CHD1L: variants seen among roughly 807,000 people sequenced by gnomAD.
CHD1L encodes chromodomain helicase DNA binding protein 1 like, also known as ATP-dependent chromatin remodeler CHD1L.
A neutral mutation model predicts 115.9 loss-of-function variants in CHD1L; 118 were observed. The observed-to-expected ratio is 1.02, with a 90% CI of 0.88 to 1.19. CHD1L has a LOEUF of 1.19. Among genes scored for constraint, CHD1L ranks in the 50% most tolerant of loss-of-function variants. CHD1L has a pLI of 0.00. For synonymous variants in CHD1L, 411 were observed against 387.1 expected (o/e 1.06, Z -0.72); for missense variants, 1,179 against 1,065.3 (o/e 1.11, Z -1.49).
the CHD1L span, among the ~76,000 whole-genome samples, chr1:147,196,368 C>A: frequency 6.6e-6 from 1 of 151,994 alleles, no homozygotes; most frequent in Non-Finnish European, 1.5e-5. Flanking sequence ...TCAAAATAAG[C>A]GTTTTGAGAG....
chr1:147,285,427 A>G lies in CHD1L; in HGVS notation c.1958A>G (p.Lys653Arg), dbSNP rs782707976. The G allele has an allele frequency of 6.2e-7, 1 of 1,614,080 alleles. No homozygotes were observed. The highest frequency in any genetic ancestry group is 1.3e-5 in the African/African-American group (1 of 75,050). The change falls in exon 17 of 23, where the codon AAG becomes AGG. Residue 653 changes from lysine to arginine, a missense_variant. Transcript: ENST00000369258. ...AAGAAAAGACAAGAAGCAGCTGCCA[A>G]GAGAAGGAGACTCATAGAGGAGAAG... ...RQKKRQEAAAKRRRLIEEKKR... is the reference protein window; with the variant it reads ...RQKKRQEAAARRRRLIEEKKR...
chr1:147,217,820 G>T, the CHD1L span, among the ~76,000 whole-genome samples: 4 of 152,276 alleles, frequency 2.6e-5, no homozygotes, highest in African/African-American at 9.6e-5. Context: ...CTATTTCTCA[G>T]CTTAGGATTC....
the CHD1L span, chr1:147,215,630 G>A: frequency 2.6e-5 from 17 of 648,508 alleles, no homozygotes; most frequent in Middle Eastern, 3.3e-4. Flanking sequence ...GTTTTTGCCT[G>A]GGTAGGATAA....
chr1:147,293,625 T>C lies in CHD1L; in HGVS notation c.2409T>C (p.Ala803=), dbSNP rs147412684. 45 of 1,613,974 alleles carry C rather than the reference T, an allele frequency of 2.8e-5. No individual in the cohort carries two copies. Among genetic ancestry groups the C allele is most frequent in the Non-Finnish European group, 3.4e-5 (40 of 1,180,008 alleles). ...KGQDLLALIV[A]QHRDRSNVLS... is the part of the protein sequence containing the mutation. Reference sequence around the variant, plus strand: ...CTTTCCAGTTGGCCTTGATTGTGGCTCAGCATCGTGATCGTTCCAATGTCC... The same window carrying C: ...CTTTCCAGTTGGCCTTGATTGTGGCCCAGCATCGTGATCGTTCCAATGTCC... The change falls in exon 21 of 23, where the codon GCT becomes GCC. Residue 803 remains alanine, a synonymous_variant. Transcript: ENST00000369258.
intron 1 of CHD1L, among the ~76,000 whole-genome samples, chr1:147,248,668 T>C (rs1667399523): frequency 6.6e-6 from 1 of 152,246 alleles, no homozygotes; most frequent in African/African-American, 2.4e-5. Context: ...TTTAGAATTT[T>C]ATTTTTGTTT....
At chr1:147,220,128 G>A in the CHD1L span, among the ~76,000 whole-genome samples, 4 of 152,050 alleles carry the variant, frequency 2.6e-5, no homozygotes, top group Admixed American at 1.3e-4. Context: ...ATGAGCCATC[G>A]CACCCAGTCA....
At chr1:147,190,172 CT>C in the CHD1L span, 3 of 1,590,438 alleles carry the variant, frequency 1.9e-6, no homozygotes, top group East Asian at 4.5e-5. Flanking sequence ...GGGAGAGTTT[CT>C]TACCTTTTGT....
In CHD1L at chr1:147,280,052, G is replaced by C. The variant is rs587726873; in HGVS notation, c.1566G>C (p.Leu522Phe). The C allele has an allele frequency of 9.3e-6, 15 of 1,613,996 alleles. No individual in the cohort carries two copies. The African/African-American group carries it at 1.2e-4, about 13-fold the overall frequency. Reference protein sequence around the residue: ...LQLSEILKFGLDKLLASEGST... With the variant: ...LQLSEILKFGFDKLLASEGST... ...TGAGTGAGATACTCAAATTTGGTTT[G>C]GATAAACTGCTGGCCTCTGAGGGGA... Residue 522 changes from leucine to phenylalanine, a missense_variant, in exon 15 of 23, where the codon TTG becomes TTC. Transcript: ENST00000369258.
intron 18 of CHD1L, among the ~76,000 whole-genome samples, chr1:147,286,914 G>A (rs587643988): frequency 5.5e-4 from 83 of 152,150 alleles, no homozygotes; most frequent in African/African-American, 1.9e-3. Context: ...ATCAAGTGTT[G>A]TTCAAATGTC....
intron 12 of CHD1L, among the ~76,000 whole-genome samples, chr1:147,275,074 T>C (rs2102728445): frequency 6.6e-6 from 1 of 152,332 alleles, no homozygotes; most frequent in African/African-American, 2.4e-5. Context: ...AGTGGCTCCA[T>C]GGCACTGACT....
At chr1:147,250,187 A>G (rs1667971506) in intron 1 of CHD1L, among the ~76,000 whole-genome samples, 1 of 151,812 alleles carries the variant, frequency 6.6e-6, no homozygotes, top group South Asian at 2.1e-4. Flanking sequence ...TACTGCTTTA[A>G]GGTCTTTGTC....
intron 15 of CHD1L, among the ~76,000 whole-genome samples, chr1:147,283,514 A>G (rs941979589): frequency 6.6e-6 from 1 of 152,144 alleles, no homozygotes; most frequent in Non-Finnish European, 1.5e-5. Context: ...ACTCAACCTC[A>G]TTGAGCCTTT....
chr1:147,186,185 A>T, the CHD1L span: 1 of 340,076 alleles, frequency 2.9e-6, no homozygotes, highest in Non-Finnish European at 4.2e-6. Context: ...CAGCTAATTT[A>T]AAATCCCAAA....
chr1:147,295,120 G>T lies in CHD1L; in HGVS notation c.2616-311G>T, dbSNP rs192313547. On this transcript the variant is annotated intron_variant, in intron 22 of 22. Coordinates refer to ENST00000369258, the MANE Select transcript of CHD1L (RefSeq NM_004284.6). ...TGACCCCAAGTGCTATAATCACACAGAAACTCCATCTTTTTACATATTTGA... is the reference window on the plus strand; with the variant it reads ...TGACCCCAAGTGCTATAATCACACATAAACTCCATCTTTTTACATATTTGA... Among the ~76,000 whole-genome samples, 170 of 152,298 alleles carry T rather than the reference G, an allele frequency of 1.1e-3. 1 individual carries two copies. Among genetic ancestry groups the T allele is most frequent in the African/African-American group, 3.8e-3 (157 of 41,562 alleles).
At chr1:147,255,071 G>A (rs930448505) in intron 3 of CHD1L, 95 bp downstream of exon 3, 30 of 880,890 alleles carry the variant, frequency 3.4e-5, no homozygotes, top group South Asian at 1.7e-4. Context: ...ACCTATTGTC[G>A]TAATTAGTAA....
chr1:147,225,099 A>G, the CHD1L span: 1 of 1,606,096 alleles, frequency 6.2e-7, no homozygotes, highest in South Asian at 1.1e-5. Context: ...CAAAAAGCAC[A>G]CATCGGTTAA....
At chr1:147,210,263 G>A in the CHD1L span, 1 of 152,188 alleles carries the variant, frequency 6.6e-6, no homozygotes, top group Non-Finnish European at 1.5e-5. Context: ...AAATAAGATT[G>A]CTAGTGGAAC....
the CHD1L span, among the ~76,000 whole-genome samples, chr1:147,221,127 G>A: frequency 7.2e-6 from 1 of 139,486 alleles, no homozygotes; most frequent in South Asian, 2.3e-4. Context: ...AAACTATCAA[G>A]GGCATCAAAA....
intron 14 of CHD1L, among the ~76,000 whole-genome samples, chr1:147,278,208 T>G (rs1298642616): frequency 1.4e-5 from 2 of 142,212 alleles, no homozygotes; most frequent in Admixed American, 1.5e-4. Context: ...TTTTTGTTTG[T>G]TTTTGTTTTT....
Sources: allele counts gnomAD v4.1 joint callset (sites outside exome capture counted in the v4.1 genomes callset), GRCh38; gene constraint gnomAD v4.1.1; transcripts MANE v1.5; gene names NCBI Gene and HGNC (gene_info 2026-07-23, HGNC 2026-07-21).